Variants in CEP55 observed in about 807,000 individuals in gnomAD.
CEP55 encodes the protein centrosomal protein 55.
A neutral mutation model predicts 63.2 loss-of-function variants in CEP55; 57 were observed. The observed-to-expected ratio is 0.90, with a 90% CI of 0.73 to 1.13. CEP55 has a LOEUF of 1.13. Among genes scored for constraint, CEP55 ranks in the 50% most tolerant of loss-of-function variants. The probability of loss-of-function intolerance (pLI) is 0.00; values close to 1 mark genes in which losing one functional copy is unlikely to be tolerated. For missense variants in CEP55, 456 were observed against 518.9 expected (o/e 0.88, Z 1.18); for synonymous variants, 178 against 191.6 (o/e 0.93, Z 0.59).
chr10:93,504,438 A>G (rs570777236), intron 3 of CEP55, among the ~76,000 whole-genome samples: 2 of 151,338 alleles, frequency 1.3e-5, no homozygotes, highest in African/African-American at 4.9e-5. Flanking sequence ...GCGCCACTGT[A>G]CTCCGGCCTG....
intron 8 of CEP55, among the ~76,000 whole-genome samples, chr10:93,523,645 A>G (rs1347281032): frequency 5.9e-5 from 9 of 152,228 alleles, no homozygotes; most frequent in Non-Finnish European, 5.9e-5. Context: ...CATTCTTCTC[A>G]GCACCACACC....
At chr10:93,519,615 A>C in intron 7 of CEP55, 67 bp from the exon 8 acceptor site, 1 of 1,537,108 alleles carries the variant, frequency 6.5e-7, no homozygotes, top group Non-Finnish European at 8.8e-7. Flanking sequence ...AAAAAATGTG[A>C]GCATCCAGTC....
At chr10:93,503,042 T>C (rs2057649818) in intron 2 of CEP55, 71 bp from the exon 3 acceptor site, 2 of 1,328,350 alleles carry the variant, frequency 1.5e-6, no homozygotes, top group South Asian at 1.4e-5. Context: ...TAAATGCTTG[T>C]TGAAGTATAT....
rs1245505616 is a variant in CEP55 at position 93,515,485 on chromosome 10, T to C, written c.609T>C (p.Phe203=). The change falls in exon 5 of 9, where the codon TTT becomes TTC. Residue 203 remains phenylalanine, a synonymous_variant. Coordinates refer to ENST00000371485, the MANE Select transcript of CEP55 (RefSeq NM_018131.5). ...TAAAAGGACTTTTAGCAAAGATCTT[T>C]GAGTTGGAAAAGAAAACGGAAACAG... is the stretch of plus-strand genomic sequence containing the variant. ...VYVKGLLAKI[F]ELEKKTETAA... is the part of the protein sequence containing the mutation. 6.2e-7 allele frequency: 1 copy of C among 1,613,932 alleles called. No individual in the cohort carries two copies. Among genetic ancestry groups the C allele is most frequent in the East Asian group, 2.2e-5 (1 of 44,868 alleles).
Position 93,499,518 on chromosome 10 carries a change from CTTT to C in CEP55, c.-12-503_-12-501del, listed in dbSNP as rs528933732. 6.9e-4 allele frequency among the ~76,000 whole-genome samples: 83 copies of C among 120,610 alleles called. No individual in the cohort carries two copies. The East Asian group carries it at 8.8e-3, about 13-fold the overall frequency. The allele number at this position is 120,610 out of a possible 152,430, so 79.1% of individuals were successfully genotyped here. On this transcript the variant is annotated intron_variant, in intron 1 of 8. Transcript: ENST00000371485. ...CACAAAACATAAATGTACAAGTTGA[CTTT>C]TTTTTTTTTTTTTTTTTTGAGACGG...
At chr10:93,513,433 AATGTCTTTAAAGG>A (rs1352730097) in intron 4 of CEP55, among the ~76,000 whole-genome samples, 1 of 152,182 alleles carries the variant, frequency 6.6e-6, no homozygotes, top group African/African-American at 2.4e-5. Flanking sequence ...GGACTCAATC[AATGTCTTTAAAGG>A]ATGGAAATTC....
intron 8 of CEP55, among the ~76,000 whole-genome samples, chr10:93,523,430 T>C (rs2057884961): frequency 6.6e-6 from 1 of 152,072 alleles, no homozygotes; most frequent in East Asian, 1.9e-4. Flanking sequence ...AGCACCCAGA[T>C]TCATAAAGCA....
At position 93,518,943 on chromosome 10, in the gene CEP55, C is replaced by T; in HGVS notation, c.1060C>T (p.Gln354Ter). 6.2e-7 allele frequency: 1 copy of T among 1,612,404 alleles called. No individual in the cohort carries two copies. The highest frequency in any genetic ancestry group is 8.5e-7 in the Non-Finnish European group (1 of 1,178,444). ...EEQTRVALLE[Q>*]QMQACTLDFE... ...ACAAACAAGGGTAGCTCTGTTGGAA[C>T]AACAGGTACTCATTCGGGTTGCTTC... The change falls in exon 7 of 9, where the codon CAA becomes TAA. Residue 354 changes from glutamine (Q) to a stop codon, truncating the protein, a stop_gained. Transcript: ENST00000371485. LOFTEE classifies it high-confidence loss of function.
At chr10:93,506,287 T>A (rs573638055) in intron 3 of CEP55, among the ~76,000 whole-genome samples, 5 of 152,166 alleles carry the variant, frequency 3.3e-5, no homozygotes, top group African/African-American at 9.6e-5. Flanking sequence ...AGAAAAAAAA[T>A]TTTACCTTTT....
At chr10:93,514,170 T>G (rs2057779505) in intron 4 of CEP55, among the ~76,000 whole-genome samples, 2 of 152,096 alleles carry the variant, frequency 1.3e-5, no homozygotes, top group African/African-American at 4.8e-5. Flanking sequence ...TGGCCTCAAG[T>G]AATCCGCCCG....
At chr10:93,524,719 C>T (rs1342386897) in intron 8 of CEP55, among the ~76,000 whole-genome samples, 1 of 152,172 alleles carries the variant, frequency 6.6e-6, no homozygotes, top group Non-Finnish European at 1.5e-5. Flanking sequence ...AATCCAGCAA[C>T]ACATCAAAAA....
intron 8 of CEP55, among the ~76,000 whole-genome samples, chr10:93,525,555 A>G (rs1340968931): frequency 1.3e-5 from 2 of 152,118 alleles, no homozygotes; most frequent in East Asian, 1.9e-4. Context: ...CAAGCTACCA[A>G]TGACTTTCTT....
At chr10:93,513,705 A>G (rs2057773736) in intron 4 of CEP55, among the ~76,000 whole-genome samples, 1 of 152,162 alleles carries the variant, frequency 6.6e-6, no homozygotes, top group Non-Finnish European at 1.5e-5. Context: ...CTTTGCTGAT[A>G]CTGTTATAGG....
At chr10:93,501,555 A>G (rs1589645868) in intron 2 of CEP55, among the ~76,000 whole-genome samples, 1 of 151,990 alleles carries the variant, frequency 6.6e-6, no homozygotes, top group Non-Finnish European at 1.5e-5. Flanking sequence ...TGTAATCCCA[A>G]CTACTCGGGA....
At chr10:93,502,503 T>G (rs1052981026) in intron 2 of CEP55, among the ~76,000 whole-genome samples, 3 of 152,238 alleles carry the variant, frequency 2.0e-5, no homozygotes, top group Non-Finnish European at 4.4e-5. Context: ...CTATTATCTT[T>G]TTATTTTACT....
At chr10:93,515,069 A>C (rs1034638162) in intron 4 of CEP55, among the ~76,000 whole-genome samples, 2 of 152,248 alleles carry the variant, frequency 1.3e-5, no homozygotes, top group Non-Finnish European at 2.9e-5. Context: ...CACCGCACCC[A>C]GCCAGCTGGG....
chr10:93,519,733 G>A lies in CEP55; in HGVS notation c.1117G>A (p.Val373Met), dbSNP rs542873829. The A allele has an allele frequency of 7.4e-6, 12 of 1,614,126 alleles. No homozygotes were observed. The African/African-American group carries it at 1.6e-4, about 22-fold the overall frequency. Residue 373 changes from valine to methionine, a missense_variant, in exon 8 of 9, where the codon GTG becomes ATG. Coordinates refer to ENST00000371485, the MANE Select transcript of CEP55 (RefSeq NM_018131.5). ...AAATGAAAAACTCGACCGTCAACAT[G>A]TGCAGCATCAATTGCATGTAATTCT... ...FENEKLDRQH[V>M]QHQLHVILKE...
chr10:93,510,855 C>T (rs371004104), intron 4 of CEP55, among the ~76,000 whole-genome samples: 4 of 151,624 alleles, frequency 2.6e-5, no homozygotes, highest in Admixed American at 2.0e-4. Context: ...TTTTAATCTA[C>T]GTTGGTTGGA....
chr10:93,522,935 G>C (rs559449683), intron 8 of CEP55, among the ~76,000 whole-genome samples: 2 of 152,226 alleles, frequency 1.3e-5, no homozygotes, highest in East Asian at 3.9e-4. Context: ...GCTCCTAAAG[G>C]AAGCACTAAA....
Sources: allele counts gnomAD v4.1 joint callset (sites outside exome capture counted in the v4.1 genomes callset), GRCh38; gene constraint gnomAD v4.1.1; transcripts MANE v1.5; gene names NCBI Gene and HGNC (gene_info 2026-07-23, HGNC 2026-07-21).